Variants in TOX observed in about 807,000 individuals in gnomAD.
TOX encodes thymocyte selection-associated high mobility group box protein TOX.
In TOX, 11 loss-of-function variants were observed where a neutral mutation model predicts 53.7. That is an observed-to-expected ratio of 0.20 (90% CI 0.13 to 0.34). The LOEUF (loss-of-function observed/expected upper bound fraction) is 0.34. TOX is among the 10% of genes least tolerant of loss of function. The pLI is 1.00. For missense variants in TOX, 570 were observed against 664.6 expected, an observed-to-expected ratio of 0.86 and a Z score of 1.56; for synonymous variants, 225 against 245.3, an observed-to-expected ratio of 0.92 and a Z score of 0.77.
chr8:59,062,481 T>G (rs1804003234), intron 1 of TOX, among the ~76,000 whole-genome samples: 1 of 152,180 alleles, frequency 6.6e-6, no homozygotes, highest in African/African-American at 2.4e-5. Flanking sequence ...AAATGTGAAT[T>G]GAGTTTGAAG....
intron 2 of TOX, among the ~76,000 whole-genome samples, chr8:58,945,284 C>T (rs1275975926): frequency 6.6e-6 from 1 of 152,204 alleles, no homozygotes. Context: ...GAAAAGCGAA[C>T]TTCTCTGGGC....
At chr8:59,070,908 T>C (rs916678554) in intron 1 of TOX, among the ~76,000 whole-genome samples, 1 of 152,096 alleles carries the variant, frequency 6.6e-6, no homozygotes, top group African/African-American at 2.4e-5. Context: ...ACAAAAGCAA[T>C]TATTTAAAAA....
chr8:58,888,380 TAAAAC>T (rs1407466443), intron 3 of TOX, among the ~76,000 whole-genome samples: 1 of 152,000 alleles, frequency 6.6e-6, no homozygotes, highest in African/African-American at 2.4e-5. Context: ...AAAACTTACT[TAAAAC>T]ACTACTGAAG....
At chr8:58,870,453 T>C (rs1811178086) in intron 3 of TOX, among the ~76,000 whole-genome samples, 1 of 152,166 alleles carries the variant, frequency 6.6e-6, no homozygotes, top group Non-Finnish European at 1.5e-5. Context: ...ATTGTTAAGA[T>C]GTCAGTTCTT....
At chr8:59,085,985 T>TTTTTTTTTTTTTTTTTTTTTTTC (rs1804501436) in intron 1 of TOX, among the ~76,000 whole-genome samples, 1 of 125,736 alleles carries the variant, frequency 8.0e-6, no homozygotes, top group African/African-American at 3.6e-5. Context: ...TTTTCTTTTT[T>TTTTTTTTTTTTTTTTTTTTTTTC]TTTTTTTTTT....
At chr8:58,960,236 T>C (rs1190984371) in intron 1 of TOX, among the ~76,000 whole-genome samples, 1 of 152,226 alleles carries the variant, frequency 6.6e-6, no homozygotes, top group African/African-American at 2.4e-5. Flanking sequence ...ATTAGTGCTC[T>C]AGTAATTACA....
At chr8:59,096,142 A>T (rs999732935) in intron 1 of TOX, among the ~76,000 whole-genome samples, 29 of 152,262 alleles carry the variant, frequency 1.9e-4, no homozygotes, top group Admixed American at 1.9e-3. Context: ...TACTAAAAGT[A>T]TAAATGGAAA....
intron 6 of TOX, among the ~76,000 whole-genome samples, chr8:58,826,000 T>G (rs536396589): frequency 2.0e-5 from 3 of 152,358 alleles, no homozygotes; most frequent in Non-Finnish European, 2.9e-5. Context: ...GCATTTGTAC[T>G]TTGGGCTCTC....
chr8:58,815,089 G>A (rs1810150991), intron 7 of TOX, among the ~76,000 whole-genome samples: 1 of 148,868 alleles, frequency 6.7e-6, no homozygotes, highest in Non-Finnish European at 1.5e-5. Context: ...TCATGGGAAA[G>A]AAACCAGTGA....
At chr8:59,038,430 C>A (rs954167556) in intron 1 of TOX, among the ~76,000 whole-genome samples, 1 of 152,130 alleles carries the variant, frequency 6.6e-6, no homozygotes, top group Non-Finnish European at 1.5e-5. Flanking sequence ...CTTGTGATAT[C>A]TCCTTTCTTA....
At chr8:58,909,662 T>TTA (rs1345143809) in intron 3 of TOX, among the ~76,000 whole-genome samples, 1 of 138,902 alleles carries the variant, frequency 7.2e-6, no homozygotes, top group Non-Finnish European at 1.6e-5. Context: ...CTCTCTCTCT[T>TTA]TTTTTTTTTT....
chr8:59,092,529 C>A (rs1178505594), intron 1 of TOX, among the ~76,000 whole-genome samples: 2 of 151,240 alleles, frequency 1.3e-5, no homozygotes, highest in Non-Finnish European at 2.9e-5. Flanking sequence ...TATCTCACTT[C>A]TTTAATAAAA....
chr8:58,895,150 T>C (rs1261191485), intron 3 of TOX, among the ~76,000 whole-genome samples: 2 of 152,196 alleles, frequency 1.3e-5, no homozygotes, highest in Non-Finnish European at 2.9e-5. Context: ...ATTGCACCAC[T>C]GCACTCCAGC....
rs911107901 is a variant in TOX, at chr8:58,939,200, T to C, written c.411+102A>G. On this transcript the variant is annotated intron_variant, in intron 3 of 8. Coordinates refer to ENST00000361421, the MANE Select transcript of TOX (RefSeq NM_014729.3). ...AACTGTCTCCACAGCTAGAAACAGT[T>C]TCAGAATGCTATTATCACAATGCCA... 20 of 1,426,328 alleles carry C rather than the reference T, an allele frequency of 1.4e-5. No homozygotes were observed. The Admixed American group carries it at 3.8e-4, about 27-fold the overall frequency. The allele number at this position is 1,426,328 out of a possible 1,614,324, so 88.4% of individuals were successfully genotyped here.
intron 1 of TOX, among the ~76,000 whole-genome samples, chr8:59,010,393 T>A (rs1813881514): frequency 6.6e-6 from 1 of 152,194 alleles, no homozygotes; most frequent in Admixed American, 6.5e-5. Flanking sequence ...GCTGAAGTAT[T>A]TATGTGTGAG....
chr8:59,037,781 A>G (rs1252074668), intron 1 of TOX, among the ~76,000 whole-genome samples: 1 of 148,374 alleles, frequency 6.7e-6, no homozygotes, highest in Non-Finnish European at 1.5e-5. Flanking sequence ...CAGCCTGGGC[A>G]ACAGAGCGAG....
Position 58,939,463 on chromosome 8 carries a change from C to G in TOX, c.250G>C (p.Val84Leu), listed in dbSNP as rs945221559. The change falls in exon 3 of 9, where the codon GTG (valine) becomes CTG (leucine). Residue 84 changes from valine to leucine, a missense_variant. By Grantham distance (32) the Val-to-Leu change is conservative (BLOSUM62 1). Around this residue, in one of 3 missense-constraint regions of TOX, gnomAD observed 282 missense variants for 315.0 expected, o/e 0.90. Transcript: ENST00000361421. ...CCAGACTCAACTTCATTCAGGTGCA[C>G]CAGCGAGTGGTCTGGGAGGGAAGGA... ...TPPSLPDHSL[V>L]HLNEVESGYH... is the part of the protein sequence containing the mutation. The G allele has an allele frequency of 6.2e-7, 1 of 1,614,078 alleles. No individual in the cohort carries two copies. The highest frequency in any genetic ancestry group is 1.3e-5 in the African/African-American group (1 of 75,008).
chr8:59,085,475 A>G (rs1265432898), intron 1 of TOX, among the ~76,000 whole-genome samples: 1 of 151,826 alleles, frequency 6.6e-6, no homozygotes, highest in Non-Finnish European at 1.5e-5. Flanking sequence ...TACAGACCCA[A>G]CCTCCCAGGC....
chr8:58,853,273 T>C (rs11995430), intron 3 of TOX, among the ~76,000 whole-genome samples: 10,225 of 152,202 alleles, frequency 0.067, 1,142 homozygotes, highest in African/African-American at 0.23. Flanking sequence ...TAAGTCCGAA[T>C]CAACGTTTTT....
Sources: allele counts gnomAD v4.1 joint callset (sites outside exome capture counted in the v4.1 genomes callset), GRCh38; gene constraint gnomAD v4.1.1; regional missense constraint gnomAD v4.1.1; transcripts MANE v1.5; gene names NCBI Gene and HGNC (gene_info 2026-07-23, HGNC 2026-07-21).